The following ATP11C variants were observed in gnomAD, a reference collection of about 807,000 sequenced individuals.
ATP11C encodes phospholipid-transporting ATPase IG.
Under a neutral mutation model 97.4 loss-of-function variants are expected in ATP11C, and 36 were observed. The observed-to-expected ratio is 0.37, with a 90% CI of 0.28 to 0.49. The LOEUF (loss-of-function observed/expected upper bound fraction) is 0.49. Among genes scored for constraint, ATP11C ranks in the 20% least tolerant of loss-of-function variants. The pLI is 0.98. For synonymous variants in ATP11C, 275 were observed against 290.9 expected (o/e 0.95, Z 0.56); for missense variants, 730 against 824.6 (o/e 0.89, Z 1.40).
At chrX:139,847,627 T>C (rs771538810) in intron 1 of ATP11C, among the ~76,000 whole-genome samples, 4 of 108,414 alleles carry the variant, frequency 3.7e-5, no homozygotes, top group Non-Finnish European at 7.6e-5. Context: ...CATCTGAGCC[T>C]AGGAGGTTGA....
chrX:139,827,698 A>G (rs903326224), intron 1 of ATP11C, among the ~76,000 whole-genome samples: 2 of 111,581 alleles, frequency 1.8e-5, no homozygotes, highest in Non-Finnish European at 3.8e-5. Context: ...ATATATTCCC[A>G]TTATTTTTTA....
intron 1 of ATP11C, among the ~76,000 whole-genome samples, chrX:139,828,003 C>T (rs1289580275): frequency 1.8e-5 from 2 of 111,778 alleles, no homozygotes; most frequent in African/African-American, 6.5e-5. Context: ...TTCATTTAAG[C>T]TTATGATATT....
chrX:139,847,716 A>C lies in ATP11C; in HGVS notation c.28-20893T>G, dbSNP rs189342233. ...AGAACCTATCTCAAAAAAAAAAAAAAAACTACGTCCTATAGAACCTGCCAT... is the reference window on the plus strand; with the variant it reads ...AGAACCTATCTCAAAAAAAAAAAAACAACTACGTCCTATAGAACCTGCCAT... On this transcript the variant is annotated intron_variant, in intron 1 of 29. Transcript: ENST00000682941. Among the ~76,000 whole-genome samples the C allele has an allele frequency of 4.5e-3, 484 of 108,594 alleles. 2 individuals carry two copies. The highest frequency in any genetic ancestry group is 5.4e-3 in the Non-Finnish European group (285 of 52,311). The allele number at this position is 108,594 out of a possible 115,157, so 94.3% of individuals were successfully genotyped here. A position where few individuals can be genotyped will look rare whatever the true frequency, so the allele number is the denominator to read the frequency against.
At chrX:139,784,934 T>C (rs1429831155) in intron 16 of ATP11C, among the ~76,000 whole-genome samples, 1 of 111,518 alleles carries the variant, frequency 9.0e-6, no homozygotes, top group Non-Finnish European at 1.9e-5. Flanking sequence ...CCCTGAACCA[T>C]ATAAAAGTCA....
At chrX:139,919,586 C>T (rs1224059152) in intron 1 of ATP11C, among the ~76,000 whole-genome samples, 1 of 111,389 alleles carries the variant, frequency 9.0e-6, no homozygotes, top group Non-Finnish European at 1.9e-5. Flanking sequence ...CCAGCAATTC[C>T]ACTAATATAT....
chrX:139,911,100 C>T (rs2085067280), intron 1 of ATP11C, among the ~76,000 whole-genome samples: 2 of 110,795 alleles, frequency 1.8e-5, no homozygotes, highest in African/African-American at 3.3e-5. Flanking sequence ...ACATAAAGCA[C>T]TAACCATAAA....
intron 1 of ATP11C, among the ~76,000 whole-genome samples, chrX:139,876,325 T>C (rs2084471392): frequency 8.9e-6 from 1 of 112,287 alleles, no homozygotes; most frequent in South Asian, 3.7e-4. Flanking sequence ...GAAAAATCAC[T>C]ATCTCTAGAA....
chrX:139,827,903 C>G (rs2083564418), intron 1 of ATP11C, among the ~76,000 whole-genome samples: 1 of 111,686 alleles, frequency 9.0e-6, no homozygotes, highest in South Asian at 3.7e-4. Flanking sequence ...ATTTGTGCAT[C>G]TTATGTAGAT....
chrX:139,885,282 G>GC (rs756499186), intron 1 of ATP11C, among the ~76,000 whole-genome samples: 63 of 109,589 alleles, frequency 5.7e-4, no homozygotes, highest in East Asian at 1.7e-3. Context: ...AATTCTGACC[G>GC]CCCCCCCACC....
chrX:139,924,940 G>A (rs962258355), intron 1 of ATP11C, among the ~76,000 whole-genome samples: 1 of 111,471 alleles, frequency 9.0e-6, no homozygotes, highest in African/African-American at 3.3e-5. Context: ...TCTATGTACT[G>A]AGTTCTGCCA....
intron 1 of ATP11C, among the ~76,000 whole-genome samples, chrX:139,883,084 T>C (rs944327870): frequency 1.8e-5 from 2 of 111,669 alleles, no homozygotes; most frequent in Admixed American, 1.9e-4. Context: ...AAAGCAGAAA[T>C]TGGAAGCACC....
At chrX:139,750,332 CAT>C (rs2081786770) in intron 23 of ATP11C, among the ~76,000 whole-genome samples, 180 bp from the exon 24 acceptor site, 1 of 112,057 alleles carries the variant, frequency 8.9e-6, no homozygotes, top group Non-Finnish European at 1.9e-5. Context: ...AAGAAACTAA[CAT>C]ATTGTGATGT....
chrX:139,820,853 C>T (rs772750389), intron 2 of ATP11C, among the ~76,000 whole-genome samples: 4 of 111,222 alleles, frequency 3.6e-5, no homozygotes, highest in African/African-American at 9.8e-5. Flanking sequence ...AGAAATGTTT[C>T]TTAACCTAAA....
intron 1 of ATP11C, among the ~76,000 whole-genome samples, chrX:139,907,518 C>A (rs761535691): frequency 1.7e-4 from 19 of 110,623 alleles, no homozygotes; most frequent in Non-Finnish European, 3.2e-4. Context: ...GGAGGCTGAG[C>A]GGGGCACATC....
chrX:139,737,996 T>C lies in ATP11C; in HGVS notation c.3208A>G (p.Ile1070Val), dbSNP rs1296371577. Residue 1070 changes from isoleucine (I) to valine (V), a missense_variant, in exon 28 of 30, where the codon ATA (isoleucine) becomes GTA (valine). Physicochemically the swap from Ile to Val is conservative, Grantham distance 29. Transcript: ENST00000682941. ...AGGCTGATAAATATTAGAAGAATTA[T>C]AGCCAACCATGTGGATACAGAAGAC... is the stretch of plus-strand genomic sequence containing the variant. Reference protein sequence around the residue: ...MLSSVSTWLAIILLIFISLFP... With the variant: ...MLSSVSTWLAVILLIFISLFP... 7 of 1,202,880 alleles carry C rather than the reference T, an allele frequency of 5.8e-6. No homozygotes were observed. Among genetic ancestry groups the C allele is most frequent in the Admixed American group, 2.2e-5 (1 of 45,489 alleles).
chrX:139,903,920 G>A (rs924609051), intron 1 of ATP11C, among the ~76,000 whole-genome samples: 2 of 111,069 alleles, frequency 1.8e-5, no homozygotes, highest in Admixed American at 9.6e-5. Context: ...TCACCTGGAG[G>A]GTTTGTTAGA....
At chrX:139,792,435 A>G (rs2082709143) in intron 12 of ATP11C, among the ~76,000 whole-genome samples, 1 of 111,043 alleles carries the variant, frequency 9.0e-6, no homozygotes, top group Non-Finnish European at 1.9e-5. Flanking sequence ...GAGGGGGTCT[A>G]GTAAACTACT....
chrX:139,742,892 T>A (rs1458478063), intron 26 of ATP11C, among the ~76,000 whole-genome samples: 257 of 12,930 alleles, frequency 0.02, no homozygotes, highest in Non-Finnish European at 0.036. Context: ...TATATATATA[T>A]ATATATATAT....
At chrX:139,902,237 A>G (rs1475308965) in intron 1 of ATP11C, among the ~76,000 whole-genome samples, 1 of 111,331 alleles carries the variant, frequency 9.0e-6, no homozygotes, top group African/African-American at 3.3e-5. Context: ...CGAGGTACAT[A>G]TTGATTGATG....
Sources: gnomAD v4.1 joint callset for allele counts (sites outside exome capture counted in the v4.1 genomes callset) on GRCh38, gnomAD v4.1.1 for gene constraint, MANE v1.5 for transcripts, NCBI Gene and HGNC (gene_info 2026-07-23, HGNC 2026-07-21) for gene names.